HS6ST3: variants seen among roughly 807,000 people sequenced by gnomAD.
HS6ST3 encodes heparan-sulfate 6-O-sulfotransferase 3.
Under a neutral mutation model 36.7 loss-of-function variants are expected in HS6ST3, and 12 were observed. The ratio of observed to expected loss-of-function variants is 0.33; its 90% confidence interval spans 0.21 to 0.53. HS6ST3 has a LOEUF of 0.53. HS6ST3 is among the 20% of genes least tolerant of loss of function. The pLI, the probability that HS6ST3 is intolerant of heterozygous loss-of-function variation, is 0.95. For synonymous variants in HS6ST3, 240 were observed against 257.5 expected (o/e 0.93, Z 0.65); for missense variants, 584 against 640.9 (o/e 0.91, Z 0.96).
At chr13:96,362,563 C>T (rs576238403) in intron 1 of HS6ST3, among the ~76,000 whole-genome samples, 7 of 152,282 alleles carry the variant, frequency 4.6e-5, no homozygotes, top group African/African-American at 1.4e-4. Flanking sequence ...TATCATCCCT[C>T]GTGCCTTGCT....
chr13:96,415,586 A>G (rs1277102318), intron 1 of HS6ST3, among the ~76,000 whole-genome samples: 2 of 152,240 alleles, frequency 1.3e-5, no homozygotes, highest in East Asian at 1.9e-4. Context: ...ACCAGCTTGC[A>G]TAGCTGTCTA....
intron 1 of HS6ST3, among the ~76,000 whole-genome samples, chr13:96,183,307 G>T (rs2054248124): frequency 6.6e-6 from 1 of 152,096 alleles, no homozygotes; most frequent in African/African-American, 2.4e-5. Context: ...TTGAAACGTT[G>T]ATTTCCACTA....
At chr13:96,101,395 T>C (rs2053817609) in intron 1 of HS6ST3, among the ~76,000 whole-genome samples, 1 of 152,140 alleles carries the variant, frequency 6.6e-6, no homozygotes. Context: ...ACTATCCTCA[T>C]ATTTTTAGTT....
rs571699063 is a variant in HS6ST3, at chr13:96,126,720, C to T, written c.707+35151C>T. 3.3e-5 allele frequency among the ~76,000 whole-genome samples: 5 copies of T among 152,226 alleles called. No individual in the cohort carries two copies. In the South Asian group the frequency reaches 8.3e-4, roughly 25 times the overall value. On this transcript the variant is annotated intron_variant, in intron 1 of 1. Coordinates refer to ENST00000376705, the MANE Select transcript of HS6ST3 (RefSeq NM_153456.4). ...TGGAACAATTGTACTCCCCAATCTGCGACTCTTTCATCACTGTTGTTTATT... is the reference window on the plus strand; with the variant it reads ...TGGAACAATTGTACTCCCCAATCTGTGACTCTTTCATCACTGTTGTTTATT...
Position 96,678,856 on chromosome 13 carries a change from C to T in HS6ST3, c.708-153634C>T, listed in dbSNP as rs542795261. ...TCCCTTTCATTATTCATTTATTTTTCTTATCACTCCAACTATTGATGCAGC... is the reference window on the plus strand; with the variant it reads ...TCCCTTTCATTATTCATTTATTTTTTTTATCACTCCAACTATTGATGCAGC... On this transcript the variant is annotated intron_variant, in intron 1 of 1. Coordinates refer to ENST00000376705, the MANE Select transcript of HS6ST3 (RefSeq NM_153456.4). 2.2e-4 allele frequency among the ~76,000 whole-genome samples: 33 copies of T among 152,070 alleles called. 1 individual carries two copies. In the South Asian group the frequency reaches 6.5e-3, roughly 30 times the overall value.
intron 1 of HS6ST3, among the ~76,000 whole-genome samples, chr13:96,485,196 T>C (rs887697700): frequency 6.6e-6 from 1 of 152,188 alleles, no homozygotes; most frequent in Non-Finnish European, 1.5e-5. Flanking sequence ...ATCTTTATAA[T>C]ATTGAGTCTT....
intron 1 of HS6ST3, among the ~76,000 whole-genome samples, chr13:96,828,347 T>C (rs1878693981): frequency 6.6e-6 from 1 of 152,192 alleles, no homozygotes; most frequent in South Asian, 2.1e-4. Context: ...ATCAATTCCT[T>C]TTGACAAGTA....
intron 1 of HS6ST3, among the ~76,000 whole-genome samples, chr13:96,525,467 C>T (rs1400174860): frequency 2.0e-5 from 3 of 152,184 alleles, no homozygotes; most frequent in Non-Finnish European, 2.9e-5. Flanking sequence ...GCTGTTACCT[C>T]TACAGCCGAC....
chr13:96,677,541 T>C (rs2056702943), intron 1 of HS6ST3, among the ~76,000 whole-genome samples: 1 of 152,176 alleles, frequency 6.6e-6, no homozygotes, highest in Non-Finnish European at 1.5e-5. Context: ...TATATGTGTG[T>C]GTGTATATGG....
intron 1 of HS6ST3, among the ~76,000 whole-genome samples, chr13:96,419,744 G>T (rs2055553672): frequency 6.6e-6 from 1 of 152,012 alleles, no homozygotes; most frequent in African/African-American, 2.4e-5. Context: ...GCAGTCTTTG[G>T]CCTTCTTTGG....
intron 1 of HS6ST3, among the ~76,000 whole-genome samples, chr13:96,739,236 T>A (rs867738190): frequency 0.11 from 15,584 of 142,958 alleles, 992 homozygotes; most frequent in Admixed American, 0.17. Flanking sequence ...TGTGTGTGTG[T>A]GTGTGTGTGT....
chr13:96,711,685 A>T (rs1257364829), intron 1 of HS6ST3, among the ~76,000 whole-genome samples: 1 of 152,206 alleles, frequency 6.6e-6, no homozygotes. Flanking sequence ...TCAATTAAGC[A>T]TCTGCATATC....
chr13:96,660,189 C>T (rs1162771511), intron 1 of HS6ST3, among the ~76,000 whole-genome samples: 1 of 152,038 alleles, frequency 6.6e-6, no homozygotes, highest in Non-Finnish European at 1.5e-5. Flanking sequence ...ATCAGAAGAA[C>T]TGAGTTTCTA....
intron 1 of HS6ST3, among the ~76,000 whole-genome samples, chr13:96,777,749 C>T (rs1204471073): frequency 6.6e-6 from 1 of 152,134 alleles, no homozygotes; most frequent in Non-Finnish European, 1.5e-5. Flanking sequence ...CGATACTGCC[C>T]AAGGTAGTTT....
intron 1 of HS6ST3, among the ~76,000 whole-genome samples, chr13:96,166,108 G>A (rs1398970210): frequency 6.6e-6 from 1 of 151,526 alleles, no homozygotes; most frequent in Non-Finnish European, 1.5e-5. Flanking sequence ...GGAGTGCAGT[G>A]GTGCAATTAT....
intron 1 of HS6ST3, among the ~76,000 whole-genome samples, chr13:96,732,093 A>T (rs1019721799): frequency 6.6e-6 from 1 of 152,170 alleles, no homozygotes; most frequent in Non-Finnish European, 1.5e-5. Context: ...TTTTGAAAAT[A>T]TCCATTCTAA....
intron 1 of HS6ST3, among the ~76,000 whole-genome samples, chr13:96,531,589 T>C (rs999431313): frequency 2.0e-5 from 3 of 152,230 alleles, no homozygotes; most frequent in Admixed American, 6.5e-5. Context: ...GGGTGGTCTG[T>C]GACCCATTAA....
chr13:96,465,796 T>C (rs890792583), intron 1 of HS6ST3, among the ~76,000 whole-genome samples: 2 of 152,256 alleles, frequency 1.3e-5, no homozygotes, highest in East Asian at 3.9e-4. Flanking sequence ...AGTGTCTCAA[T>C]AAATTTAAAA....
chr13:96,417,757 CACAT>C (rs907860337), intron 1 of HS6ST3, among the ~76,000 whole-genome samples: 9 of 151,400 alleles, frequency 5.9e-5, no homozygotes, highest in African/African-American at 2.2e-4. Context: ...CACACACACA[CACAT>C]AATAGTCTAT....
Sources: allele counts gnomAD v4.1 joint callset (sites outside exome capture counted in the v4.1 genomes callset), GRCh38; gene constraint gnomAD v4.1.1; transcripts MANE v1.5; gene names NCBI Gene and HGNC (gene_info 2026-07-23, HGNC 2026-07-21).